The following FILIP1L variants were observed in gnomAD, a reference collection of about 807,000 sequenced individuals.
FILIP1L encodes the protein filamin A interacting protein 1 like.
Under a neutral mutation model 96.6 loss-of-function variants are expected in FILIP1L, and 55 were observed. The ratio of observed to expected loss-of-function variants is 0.57; its 90% CI spans 0.46 to 0.71. The LOEUF is 0.71. Among genes scored for constraint, FILIP1L ranks in the 30% least tolerant of loss-of-function variants. FILIP1L has a pLI of 0.00. For synonymous variants in FILIP1L, 467 were observed against 473.9 expected (o/e 0.99, Z 0.19); for missense variants, 1,304 against 1,321.2 (o/e 0.99, Z 0.20).
intron 1 of FILIP1L, among the ~76,000 whole-genome samples, chr3:99,983,416 A>ATATATATATATATG (rs1553702725): frequency 2.1e-5 from 2 of 96,952 alleles, no homozygotes; most frequent in African/African-American, 8.7e-5. Flanking sequence ...ATATATATAT[A>ATATATATATATATG]TATGTATGTA....
intron 3 of FILIP1L, among the ~76,000 whole-genome samples, chr3:99,927,789 T>C (rs1186977401): frequency 6.6e-6 from 1 of 152,202 alleles, no homozygotes; most frequent in East Asian, 1.9e-4. Context: ...TCAAAACTCT[T>C]GTGGACTGAG....
intron 1 of FILIP1L, among the ~76,000 whole-genome samples, chr3:100,014,432 A>G (rs1456627396): frequency 6.6e-6 from 1 of 152,006 alleles, no homozygotes; most frequent in Non-Finnish European, 1.5e-5. Flanking sequence ...ATTTTCTGTA[A>G]TAGCTATTAT....
At chr3:100,076,828 A>G (rs975171732) in intron 1 of FILIP1L, among the ~76,000 whole-genome samples, 2 of 152,206 alleles carry the variant, frequency 1.3e-5, no homozygotes, top group Admixed American at 1.3e-4. Context: ...CAGCCTGGGA[A>G]TTAGTCAGAC....
At chr3:99,927,216 T>C (rs554921098) in intron 3 of FILIP1L, among the ~76,000 whole-genome samples, 1 of 152,356 alleles carries the variant, frequency 6.6e-6, no homozygotes, top group Admixed American at 6.5e-5. Flanking sequence ...TCAATACATA[T>C]TAACTAACTA....
chr3:99,831,866 A>C (rs539327490), intron 5 of FILIP1L, among the ~76,000 whole-genome samples: 2 of 152,346 alleles, frequency 1.3e-5, no homozygotes, highest in African/African-American at 4.8e-5. Flanking sequence ...TGCTGCCATA[A>C]TTGAACTTCC....
intron 4 of FILIP1L, among the ~76,000 whole-genome samples, chr3:99,869,987 T>G (rs1049471883): frequency 9.9e-5 from 15 of 152,088 alleles, no homozygotes; most frequent in African/African-American, 2.9e-4. Flanking sequence ...CTTTTCTCCA[T>G]TTACATGTGG....
chr3:99,845,610 CTCTT>C (rs1451172844), intron 5 of FILIP1L, among the ~76,000 whole-genome samples: 2 of 152,108 alleles, frequency 1.3e-5, no homozygotes, highest in Non-Finnish European at 2.9e-5. Flanking sequence ...ATCTTCCAAT[CTCTT>C]TCTCTCTCTC....
At chr3:100,006,450 C>G (rs1016750507) in intron 1 of FILIP1L, among the ~76,000 whole-genome samples, 1 of 152,022 alleles carries the variant, frequency 6.6e-6, no homozygotes, top group Non-Finnish European at 1.5e-5. Flanking sequence ...AATTTGGTTC[C>G]TATCTTTCAG....
chr3:100,014,887 C>CTTTTTTTTTTTTTTTTTTTT (rs1559725867), intron 1 of FILIP1L, among the ~76,000 whole-genome samples: 3 of 32,464 alleles, frequency 9.2e-5, no homozygotes, highest in Non-Finnish European at 1.7e-4. Flanking sequence ...TTTTTTTTTT[C>CTTTTTTTTTTTTTTTTTTTT]TTTCTTTCTT....
rs1217230319 is a variant in FILIP1L at position 99,983,405 on chromosome 3, T to A, written c.-10-52375A>T. Reference sequence around the variant, plus strand: ...AAATAAATAAATATATATATATATATATATATATATATATGTATGTATGTA... The same window carrying A: ...AAATAAATAAATATATATATATATAAATATATATATATATGTATGTATGTA... On this transcript the variant is annotated intron_variant, in intron 1 of 5. Coordinates refer to ENST00000477258, the MANE Select transcript of FILIP1L (RefSeq NM_001387850.1). Among the ~76,000 whole-genome samples the A allele has an allele frequency of 1.2e-3, 128 of 109,528 alleles. 4 individuals carry two copies. Among genetic ancestry groups the A allele is most frequent in the African/African-American group, 4.8e-3 (124 of 26,002 alleles). 71.9% of individuals were successfully genotyped at this position (109,528 alleles called of 152,430 possible). A position where few individuals can be genotyped will look rare whatever the true frequency, so the allele number is the denominator to read the frequency against.
chr3:100,022,403 A>G (rs1311097399), intron 1 of FILIP1L, among the ~76,000 whole-genome samples: 2 of 152,190 alleles, frequency 1.3e-5, no homozygotes, highest in South Asian at 4.1e-4. Context: ...TTGTTACGGC[A>G]CAACTCTGCT....
intron 4 of FILIP1L, among the ~76,000 whole-genome samples, chr3:99,918,283 T>G (rs1707017568): frequency 6.6e-6 from 1 of 152,124 alleles, no homozygotes; most frequent in South Asian, 2.1e-4. Flanking sequence ...GCCCCTTGTT[T>G]TATATACCAG....
intron 4 of FILIP1L, among the ~76,000 whole-genome samples, chr3:99,919,089 G>T (rs1376442926): frequency 6.6e-6 from 1 of 152,054 alleles, no homozygotes; most frequent in South Asian, 2.1e-4. Context: ...TATACCCACT[G>T]TGTATTGCTT....
intron 1 of FILIP1L, among the ~76,000 whole-genome samples, chr3:99,982,939 T>C (rs920908555): frequency 1.3e-5 from 2 of 152,160 alleles, no homozygotes; most frequent in African/African-American, 4.8e-5. Flanking sequence ...ATCAAAGTAA[T>C]ACATACAGTG....
intron 1 of FILIP1L, among the ~76,000 whole-genome samples, chr3:100,044,876 A>C (rs1217982088): frequency 6.6e-6 from 1 of 152,194 alleles, no homozygotes; most frequent in East Asian, 1.9e-4. Context: ...AGCTGACAGG[A>C]CTAGTGGCTC....
At chr3:100,054,529 T>TATGTTATGTC (rs1408538607) in intron 1 of FILIP1L, among the ~76,000 whole-genome samples, 237 of 151,704 alleles carry the variant, frequency 1.6e-3, no homozygotes, top group Non-Finnish European at 1.7e-3. Flanking sequence ...TATGTTATGT[T>TATGTTATGTC]ATGTTATGTT....
intron 1 of FILIP1L, among the ~76,000 whole-genome samples, chr3:100,046,114 A>G (rs1156616363): frequency 6.6e-6 from 1 of 152,216 alleles, no homozygotes; most frequent in Non-Finnish European, 1.5e-5. Flanking sequence ...GTTTTCCCCC[A>G]AGGCTTCACA....
intron 1 of FILIP1L, among the ~76,000 whole-genome samples, chr3:100,067,783 C>T (rs2065691831): frequency 6.6e-6 from 1 of 151,966 alleles, no homozygotes; most frequent in African/African-American, 2.4e-5. Flanking sequence ...GGTCTCTATC[C>T]AAGCCTTGAG....
chr3:100,036,429 A>G (rs1474472423), intron 1 of FILIP1L, among the ~76,000 whole-genome samples: 1 of 152,218 alleles, frequency 6.6e-6, no homozygotes, highest in African/African-American at 2.4e-5. Flanking sequence ...CCACTGGCCT[A>G]ATCTGAAACA....
Sources: allele counts gnomAD v4.1 joint callset (sites outside exome capture counted in the v4.1 genomes callset), GRCh38; gene constraint gnomAD v4.1.1; transcripts MANE v1.5; gene names NCBI Gene and HGNC (gene_info 2026-07-23, HGNC 2026-07-21).